VPS51: variants seen among roughly 807,000 people sequenced by gnomAD.
VPS51 encodes vacuolar protein sorting-associated protein 51 homolog.
In VPS51, 55 loss-of-function variants were observed where a neutral mutation model predicts 65.1. That is an observed-to-expected ratio of 0.84 (90% CI 0.68 to 1.06). VPS51 has a LOEUF of 1.06. Ranked by LOEUF, VPS51 falls within the 50% of genes least tolerant of loss-of-function variation. VPS51 has a pLI of 0.00. For missense variants in VPS51, 943 were observed against 1,101.6 expected, an observed-to-expected ratio of 0.86 and a Z score of 2.04; for synonymous variants, 473 against 489.5, an observed-to-expected ratio of 0.97 and a Z score of 0.44.
chr11:65,096,591 G>A (rs1349624829), intron 1 of VPS51, 113 bp downstream of exon 1: 1 of 1,006,232 alleles, frequency 9.9e-7, no homozygotes, highest in East Asian at 2.7e-5. Context: ...CAGGAGAGCA[G>A]GTGTTCATAA....
In VPS51 at chr11:65,110,482, GT is replaced by G; in HGVS notation, c.1880del (p.Val627GlyfsTer49). The G allele has an allele frequency of 6.2e-7, 1 of 1,613,880 alleles. No homozygotes were observed. Among genetic ancestry groups the G allele is most frequent in the Non-Finnish European group, 8.5e-7 (1 of 1,180,010 alleles). ...TTGCAGTACCTCTTTTTACCACCAG[GT>G]GGGGCTCCTGTACGAAGAGGGTGTT... ...VEDTTAIDVQ[V>X]GLLYEEGVRK... On this transcript the variant is annotated frameshift_variant and splice_region_variant, in exon 8 of 10. Coordinates refer to ENST00000279281, the MANE Select transcript of VPS51 (RefSeq NM_013265.4). LOFTEE classifies it high-confidence loss of function.
chr11:65,108,507 A>T lies in VPS51; in HGVS notation c.1036A>T (p.Ser346Cys). ...KLAAFARQLG[S>C]RYFALVERRL... ...GGCGGCCTTCGCCCGGCAGCTGGGC[A>T]GCCGCTATTTTGCGCTGGTGGAGCG... The change falls in exon 5 of 10, where the codon AGC becomes TGC. Residue 346 changes from serine to cysteine, a missense_variant. Physicochemically the swap from Ser to Cys is moderately radical, Grantham distance 112. Coordinates refer to ENST00000279281, the MANE Select transcript of VPS51 (RefSeq NM_013265.4). 6.2e-7 allele frequency: 1 copy of T among 1,600,300 alleles called. No homozygotes were observed. Among genetic ancestry groups the T allele is most frequent in the Non-Finnish European group, 8.5e-7 (1 of 1,177,544 alleles).
In VPS51 at chr11:65,108,794, C is replaced by T; in HGVS notation, c.1323C>T (p.Gly441=). Residue 441 remains glycine, a synonymous_variant, in exon 5 of 10, where the codon GGC becomes GGT. Transcript: ENST00000279281. ...APRVAGKEGP[G]LAELLANVAS... ...GCGTGGCTGGGAAGGAGGGCCCTGG[C>T]CTGGCCGAGTTGCTGGCCAATGTGG... The T allele has an allele frequency of 6.2e-7, 1 of 1,612,808 alleles. No homozygotes were observed. Among genetic ancestry groups the T allele is most frequent in the South Asian group, 1.1e-5 (1 of 91,082 alleles).
chr11:65,110,392 T>C lies in VPS51; in HGVS notation c.1879-90T>C. ...ATTACCCTGTGATCCTTGTGATGCT[T>C]GAGTAGCTGACTTAGGGCATCCTCA... On this transcript the variant is annotated intron_variant, in intron 7 of 9. Transcript: ENST00000279281. The C allele has an allele frequency of 1.9e-6, 3 of 1,599,212 alleles. No homozygotes were observed. The South Asian group carries it at 3.3e-5, about 18-fold the overall frequency.
Position 65,107,880 on chromosome 11 carries a change from G to T in VPS51, c.583G>T (p.Ala195Ser). 2 of 1,551,610 alleles carry T rather than the reference G, an allele frequency of 1.3e-6. No individual in the cohort carries two copies. The highest frequency in any genetic ancestry group is 2.4e-5 in the South Asian group (2 of 84,594). ...CCTCACCAAGTGCGTGGAACTGGGC[G>T]CCTATGGGCAGGCGGTGCGCTACCA... ...SRLTKCVELG[A>S]YGQAVRYQGR... Residue 195 changes from alanine (A) to serine (S), a missense_variant, in exon 4 of 10, where the codon GCC (alanine) becomes TCC (serine). Ala to Ser is a moderately conservative substitution (Grantham distance 99). This residue lies in a region of VPS51 where 855 missense variants were observed against 953.7 expected (regional missense o/e 0.90). Transcript: ENST00000279281. This position sits in a 1 kb window ranked among gnomAD's most constrained non-coding sequence, Gnocchi z 4.0.
chr11:65,109,362 G>A lies in VPS51; in HGVS notation c.1526G>A (p.Cys509Tyr). 1 of 1,613,384 alleles carries A rather than the reference G, an allele frequency of 6.2e-7. No individual in the cohort carries two copies. Among genetic ancestry groups the A allele is most frequent in the Non-Finnish European group, 8.5e-7 (1 of 1,180,010 alleles). The change falls in exon 6 of 10, where the codon TGC becomes TAC. Residue 509 changes from cysteine (C) to tyrosine (Y), a missense_variant. Cys to Tyr is a radical substitution (Grantham distance 194). This residue lies in a region of VPS51 where 855 missense variants were observed against 953.7 expected (regional missense o/e 0.90). Transcript: ENST00000279281. ...ATGTGCCAGACGGCTCAGAGCTTCT[G>A]CGACAGCCCTGGGGAGAAGGGGGGT... Reference protein sequence around the residue: ...HSMCQTAQSFCDSPGEKGGAT... With the variant: ...HSMCQTAQSFYDSPGEKGGAT...
Position 65,096,450 on chromosome 11 carries a change from A to G in VPS51, c.200A>G (p.His67Arg). 1 of 1,413,534 alleles carries G rather than the reference A, an allele frequency of 7.1e-7. No homozygotes were observed. The highest frequency in any genetic ancestry group is 9.3e-7 in the Non-Finnish European group (1 of 1,072,486). 87.6% of individuals were successfully genotyped at this position (1,413,534 alleles called of 1,614,324 possible). The change falls in exon 1 of 10, where the codon CAC becomes CGC. Residue 67 changes from histidine to arginine, a missense_variant. By Grantham distance (29) the His-to-Arg change is conservative. This residue lies in a region of VPS51 where 855 missense variants were observed against 953.7 expected (regional missense o/e 0.90). Transcript: ENST00000279281. Reference protein sequence around the residue: ...PLDPTDLNGAHFDPEVYLDKL... With the variant: ...PLDPTDLNGARFDPEVYLDKL... ...GACCCGACTGATCTGAACGGGGCGC[A>G]CTTCGACCCGGAAGTTTACCTAGAC...
intron 9 of VPS51, chr11:65,111,115 A>G (rs1480752552): frequency 1.2e-6 from 1 of 805,170 alleles, no homozygotes; most frequent in East Asian, 2.7e-5. Flanking sequence ...CTCCAAGCTC[A>G]GGGATGCCTC....
rs920131295 is a variant in VPS51 at position 65,111,670 on chromosome 11, G to C, written c.*83G>C. 7.0e-7 allele frequency: 1 copy of C among 1,426,830 alleles called. No homozygotes were observed. Among genetic ancestry groups the C allele is most frequent in the Admixed American group, 2.4e-5 (1 of 41,352 alleles). 88.4% of individuals were successfully genotyped at this position (1,426,830 alleles called of 1,614,324 possible). ...TCTCGGTGGTCCTTCCCCGCAGGCA[G>C]GTGTCAGGACCGGCCTAATAAACAT... is the stretch of plus-strand genomic sequence containing the variant. On this transcript the variant is annotated 3_prime_UTR_variant, in exon 10 of 10. Transcript: ENST00000279281.
chr11:65,107,374 T>C lies in VPS51; in HGVS notation c.359-207T>C. 1.5e-6 allele frequency: 1 copy of C among 654,468 alleles called. No individual in the cohort carries two copies. Among genetic ancestry groups the C allele is most frequent in the Non-Finnish European group, 2.7e-6 (1 of 373,464 alleles). 40.5% of individuals were successfully genotyped at this position (654,468 alleles called of 1,614,324 possible). Reference sequence around the variant, plus strand: ...GGGTTAGGGGGTTACGGGGAGTATGTGAGTAACGCCTGCTTTGGGAACATA... The same window carrying C: ...GGGTTAGGGGGTTACGGGGAGTATGCGAGTAACGCCTGCTTTGGGAACATA... On this transcript the variant is annotated intron_variant, in intron 2 of 9. Transcript: ENST00000279281. The surrounding 1 kb of genome is among the most constrained non-coding windows in gnomAD (Gnocchi z 4.0).
chr11:65,096,518 G>GGGGTGGGGGGGGGGGGC, intron 1 of VPS51, 40 bp downstream of exon 1: 3 of 499,392 alleles, frequency 6.0e-6, no homozygotes, highest in Non-Finnish European at 1.1e-5. Context: ...GGGGAGGGGG[G>GGGGTGGGGGGGGGGGGC]AAGGGAACCA....
intron 2 of VPS51, among the ~76,000 whole-genome samples, chr11:65,100,170 T>C (rs1947798754): frequency 6.6e-6 from 1 of 152,126 alleles, no homozygotes; most frequent in Non-Finnish European, 1.5e-5. Flanking sequence ...TATTTGCAAG[T>C]TAGTTATCTA....
chr11:65,111,795 C>G lies in VPS51; in HGVS notation c.*208C>G. ...CCCGCGTCGGGTCCGCCCCCGAGCG[C>G]CGATTGGCTGGTGTGCTGGGCCCAG... On this transcript the variant is annotated 3_prime_UTR_variant, in exon 10 of 10. Coordinates refer to ENST00000279281, the MANE Select transcript of VPS51 (RefSeq NM_013265.4). 9.9e-7 allele frequency: 1 copy of G among 1,009,972 alleles called. No individual in the cohort carries two copies. The highest frequency in any genetic ancestry group is 1.4e-6 in the Non-Finnish European group (1 of 710,962). The allele number at this position is 1,009,972 out of a possible 1,614,324, so 62.6% of individuals were successfully genotyped here.
chr11:65,102,339 A>G (rs1947815218), intron 2 of VPS51, among the ~76,000 whole-genome samples: 1 of 152,156 alleles, frequency 6.6e-6, no homozygotes, highest in Non-Finnish European at 1.5e-5. Flanking sequence ...ATGCAAAGAT[A>G]AACAGTGTAG....
rs1473323768 is a variant in VPS51 at position 65,111,819 on chromosome 11, A to C, written c.*232A>C. 12 of 927,938 alleles carry C rather than the reference A, an allele frequency of 1.3e-5. No homozygotes were observed. Among genetic ancestry groups the C allele is most frequent in the African/African-American group, 1.7e-5 (1 of 60,060 alleles). The allele number at this position is 927,938 out of a possible 1,614,324, so 57.5% of individuals were successfully genotyped here. On this transcript the variant is annotated 3_prime_UTR_variant, in exon 10 of 10. Coordinates refer to ENST00000279281, the MANE Select transcript of VPS51 (RefSeq NM_013265.4). ...GCCGATTGGCTGGTGTGCTGGGCCC[A>C]GCATGGGCAGGGGGCGGTTCCACTT...
chr11:65,098,608 G>A (rs1046156603), intron 2 of VPS51, among the ~76,000 whole-genome samples: 10 of 152,186 alleles, frequency 6.6e-5, no homozygotes, highest in Non-Finnish European at 1.3e-4. Flanking sequence ...TCTTACTCTC[G>A]TGTCACAGTG....
chr11:65,100,285 C>T (rs996609348), intron 2 of VPS51, among the ~76,000 whole-genome samples: 4 of 152,082 alleles, frequency 2.6e-5, no homozygotes, highest in African/African-American at 9.7e-5. Flanking sequence ...ATAGACACTT[C>T]TCCAGAGAAA....
At chr11:65,111,004 G>A in intron 9 of VPS51, 1 of 666,374 alleles carries the variant, frequency 1.5e-6, no homozygotes, top group Non-Finnish European at 2.6e-6. Context: ...CTGAGTCTGG[G>A]TGCTGACCTG....
Position 65,109,841 on chromosome 11 carries a change from ACTGGCTCAG to A in VPS51, c.1798_1806del (p.Trp600_Ser602del). On this transcript the variant is annotated inframe_deletion, in exon 7 of 10. Transcript: ENST00000279281. ...CTGCGCAAGAGCGTGGAGACTCGCG[ACTGGCTCAG>A]CACTCTGGAGCCCCGGAATGTGCGG... The A allele has an allele frequency of 6.2e-7, 1 of 1,612,060 alleles. No homozygotes were observed. Among genetic ancestry groups the A allele is most frequent in the Non-Finnish European group, 8.5e-7 (1 of 1,179,670 alleles).
Sources: allele counts gnomAD v4.1 joint callset (sites outside exome capture counted in the v4.1 genomes callset), GRCh38; gene constraint gnomAD v4.1.1; regional missense constraint gnomAD v4.1.1; non-coding constraint Gnocchi (gnomAD v3.1); transcripts MANE v1.5; gene names NCBI Gene and HGNC (gene_info 2026-07-23, HGNC 2026-07-21).